The following CNTN5 variants were observed in gnomAD, a reference collection of about 807,000 sequenced individuals.
The protein encoded by CNTN5 is contactin 5, also known as contactin-5.
A neutral mutation model predicts 129.1 loss-of-function variants in CNTN5; 77 were observed. The observed-to-expected ratio is 0.60, with a 90% CI of 0.50 to 0.72. The LOEUF (loss-of-function observed/expected upper bound fraction) is 0.72. Ranked by LOEUF, CNTN5 falls within the 30% of genes least tolerant of loss-of-function variation. The pLI is 0.00. For synonymous variants in CNTN5, 509 were observed against 465.6 expected, an observed-to-expected ratio of 1.09 and a Z score of -1.20; for missense variants, 1,478 against 1,328.8, an observed-to-expected ratio of 1.11 and a Z score of -1.75.
intron 2 of CNTN5, among the ~76,000 whole-genome samples, chr11:99,449,467 A>AATATGAAC (rs1346576506): frequency 6.6e-6 from 1 of 152,250 alleles, no homozygotes; most frequent in African/African-American, 2.4e-5. Context: ...TGTCCTTTCT[A>AATATGAAC]ATATGAACAA....
At chr11:100,330,247 G>C (rs985537037) in intron 21 of CNTN5, among the ~76,000 whole-genome samples, 26 of 152,092 alleles carry the variant, frequency 1.7e-4, no homozygotes, top group African/African-American at 6.3e-4. Context: ...TCAAAGACAA[G>C]GCTTTTGAAT....
At chr11:99,499,409 C>T (rs1176280995) in intron 2 of CNTN5, among the ~76,000 whole-genome samples, 1 of 152,132 alleles carries the variant, frequency 6.6e-6, no homozygotes, top group Admixed American at 6.5e-5. Context: ...CGTTCAGTCT[C>T]TTGCCCTTCT....
chr11:99,708,892 T>C (rs1197491755), intron 3 of CNTN5, among the ~76,000 whole-genome samples: 2 of 151,782 alleles, frequency 1.3e-5, no homozygotes, highest in African/African-American at 2.4e-5. Flanking sequence ...TCCCTTATAC[T>C]AGTCCTGTCC....
intron 13 of CNTN5, among the ~76,000 whole-genome samples, chr11:100,079,546 A>C (rs921937464): frequency 6.6e-6 from 1 of 152,210 alleles, no homozygotes. Flanking sequence ...AGCCGACCAA[A>C]TATTTACTTG....
At chr11:99,094,819 A>G (rs942847609) in intron 1 of CNTN5, among the ~76,000 whole-genome samples, 2 of 151,874 alleles carry the variant, frequency 1.3e-5, no homozygotes, top group Non-Finnish European at 2.9e-5. Context: ...GTGTGTGATC[A>G]AGAGATACAG....
chr11:99,430,754 G>C (rs1368319929), intron 2 of CNTN5, among the ~76,000 whole-genome samples: 1 of 151,856 alleles, frequency 6.6e-6, no homozygotes, highest in East Asian at 1.9e-4. Flanking sequence ...GGGAGAAAAA[G>C]ACAAGGAAGA....
intron 8 of CNTN5, among the ~76,000 whole-genome samples, chr11:99,993,009 T>C (rs1327217094): frequency 6.6e-6 from 1 of 152,194 alleles, no homozygotes; most frequent in Non-Finnish European, 1.5e-5. Flanking sequence ...AAGAGCTACC[T>C]TGACTGAAGA....
intron 7 of CNTN5, 74 bp downstream of exon 7, chr11:99,916,223 T>TTGGAGACAGTATATTGGACAGTAA: frequency 8.8e-7 from 1 of 1,133,530 alleles, no homozygotes; most frequent in Non-Finnish European, 1.3e-6. Flanking sequence ...AGACAGTATA[T>TTGGAGACAGTATATTGGACAGTAA]TGATGGGAGA....
At chr11:99,515,031 C>T (rs60742310) in intron 2 of CNTN5, among the ~76,000 whole-genome samples, 10,000 of 151,974 alleles carry the variant, frequency 0.066, 363 homozygotes, top group African/African-American at 0.098. Flanking sequence ...AAATATATAG[C>T]TTCAGGCATA....
intron 9 of CNTN5, among the ~76,000 whole-genome samples, chr11:100,042,297 A>G (rs1438511641): frequency 6.6e-6 from 1 of 151,282 alleles, no homozygotes; most frequent in Admixed American, 6.6e-5. Context: ...TTTTCTTATG[A>G]TAGCTTTTTA....
intron 2 of CNTN5, among the ~76,000 whole-genome samples, chr11:99,547,081 G>A (rs981313136): frequency 7.0e-5 from 10 of 142,736 alleles, no homozygotes; most frequent in East Asian, 2.1e-4. Context: ...TTGGCTCACC[G>A]CAACCTCCAC....
In CNTN5 at chr11:99,578,776, G is replaced by A. The variant is rs1175199351; in HGVS notation, c.55+22507G>A. ...TGCAAAAATTTTCTCCCATTCTGTA[G>A]GTTGCCTGTTCATTCTGATAGTGGT... On this transcript the variant is annotated intron_variant, in intron 3 of 24. Coordinates refer to ENST00000524871, the MANE Select transcript of CNTN5 (RefSeq NM_014361.4). Among the ~76,000 whole-genome samples, 3 of 152,100 alleles carry A rather than the reference G, an allele frequency of 2.0e-5. No individual in the cohort carries two copies. In the East Asian group the frequency reaches 5.8e-4, roughly 29 times the overall value.
At chr11:99,314,947 T>A (rs1199148517) in intron 1 of CNTN5, among the ~76,000 whole-genome samples, 1 of 147,830 alleles carries the variant, frequency 6.8e-6, no homozygotes, top group African/African-American at 2.5e-5. Flanking sequence ...ATTCAGTAGC[T>A]CTGTGGGTGG....
chr11:99,526,091 C>A (rs1947473754), intron 2 of CNTN5, among the ~76,000 whole-genome samples: 2 of 152,130 alleles, frequency 1.3e-5, no homozygotes, highest in African/African-American at 4.8e-5. Flanking sequence ...CTTTCAGCTC[C>A]TTTAAGCAAA....
At chr11:99,315,924 G>A (rs1865320120) in intron 1 of CNTN5, among the ~76,000 whole-genome samples, 1 of 150,300 alleles carries the variant, frequency 6.7e-6, no homozygotes, top group African/African-American at 2.4e-5. Context: ...TTATAGAGTC[G>A]ATAGAATGAC....
At chr11:99,826,321 T>G (rs980527255) in intron 4 of CNTN5, among the ~76,000 whole-genome samples, 2 of 152,212 alleles carry the variant, frequency 1.3e-5, no homozygotes, top group African/African-American at 4.8e-5. Flanking sequence ...TCAGTCACTT[T>G]CCCTGGGAAT....
chr11:99,458,427 A>G (rs1944571023), intron 2 of CNTN5, among the ~76,000 whole-genome samples: 1 of 151,976 alleles, frequency 6.6e-6, no homozygotes, highest in Non-Finnish European at 1.5e-5. Flanking sequence ...CGCTATAAAA[A>G]GACTCAAGAT....
chr11:99,344,661 A>T (rs1350688620), intron 2 of CNTN5, among the ~76,000 whole-genome samples: 1 of 152,276 alleles, frequency 6.6e-6, no homozygotes, highest in East Asian at 1.9e-4. Flanking sequence ...TAATAGAAAA[A>T]TTTAAATCAA....
intron 1 of CNTN5, among the ~76,000 whole-genome samples, chr11:99,276,051 C>T (rs1312919974): frequency 6.6e-6 from 1 of 151,592 alleles, no homozygotes; most frequent in African/African-American, 2.4e-5. Flanking sequence ...TGAGGGAATC[C>T]TTTGATCCCC....
Sources: allele counts gnomAD v4.1 joint callset (sites outside exome capture counted in the v4.1 genomes callset), GRCh38; gene constraint gnomAD v4.1.1; transcripts MANE v1.5; gene names NCBI Gene and HGNC (gene_info 2026-07-23, HGNC 2026-07-21).